NF2: variants seen among roughly 807,000 people sequenced by gnomAD.
The protein encoded by NF2 is NF2, moesin-ezrin-radixin like (MERLIN) tumor suppressor, also known as merlin.
In NF2, 8 loss-of-function variants were observed where a neutral mutation model predicts 83.7. That is an observed-to-expected ratio of 0.10 (90% confidence interval 0.06 to 0.17). The LOEUF (loss-of-function observed/expected upper bound fraction) is 0.17. Ranked by LOEUF, NF2 falls within the 10% of genes least tolerant of loss-of-function variation. The pLI, the probability that NF2 is intolerant of heterozygous loss-of-function variation, is 1.00. For synonymous variants in NF2, 266 were observed against 269.6 expected, an observed-to-expected ratio of 0.99 and a Z score of 0.13; for missense variants, 533 against 744.4, an observed-to-expected ratio of 0.72 and a Z score of 3.31.
intron 4 of NF2, among the ~76,000 whole-genome samples, chr22:29,643,961 G>GC (rs1258339483): frequency 9.2e-5 from 12 of 130,302 alleles, no homozygotes; most frequent in African/African-American, 1.7e-4. Context: ...GGCTGGCCTG[G>GC]CGGGGGGCTG....
At position 29,675,195 on chromosome 22, in the gene NF2, T is replaced by C. The variant is rs545468335; in HGVS notation, c.1446+254T>C. 2.0e-5 allele frequency among the ~76,000 whole-genome samples: 3 copies of C among 152,364 alleles called. No individual in the cohort carries two copies. In the South Asian group the frequency reaches 6.2e-4, roughly 32 times the overall value. ...AGGGCCTTTTCCAGCTCTGGAATGT[T>C]TTTCTTTTTCTAAGTAATATAGTCC... On this transcript the variant is annotated intron_variant, in intron 13 of 15. Coordinates refer to ENST00000338641, the MANE Select transcript of NF2 (RefSeq NM_000268.4).
intron 1 of NF2, among the ~76,000 whole-genome samples, chr22:29,622,544 T>G (rs1358159984): frequency 1.3e-5 from 2 of 152,148 alleles, no homozygotes; most frequent in African/African-American, 4.8e-5. Context: ...CTCTTTCATG[T>G]ATGGATTTTG....
chr22:29,625,475 G>A (rs1297055793), intron 1 of NF2, among the ~76,000 whole-genome samples: 1 of 152,056 alleles, frequency 6.6e-6, no homozygotes, highest in Non-Finnish European at 1.5e-5. Context: ...ATAAACTAAA[G>A]CGTTTGAGGT....
intron 15 of NF2, among the ~76,000 whole-genome samples, chr22:29,687,964 T>C (rs1345673448): frequency 6.6e-6 from 1 of 152,128 alleles, no homozygotes; most frequent in African/African-American, 2.4e-5. Context: ...CTCTTAGTGC[T>C]CCTCCCGGAT....
intron 15 of NF2, among the ~76,000 whole-genome samples, chr22:29,690,715 C>G (rs778322586): frequency 6.6e-6 from 1 of 152,224 alleles, no homozygotes; most frequent in Non-Finnish European, 1.5e-5. Context: ...GTGTTATTCA[C>G]ACGGCTGATT....
intron 14 of NF2, among the ~76,000 whole-genome samples, chr22:29,679,636 G>C (rs186951629): frequency 7.9e-5 from 12 of 152,244 alleles, no homozygotes; most frequent in African/African-American, 2.2e-4. Context: ...GGAGTCCAAG[G>C]GGGGCAGATC....
At chr22:29,668,278 G>A (rs2066682877) in intron 9 of NF2, 55 bp from the exon 10 acceptor site, 1 of 1,303,470 alleles carries the variant, frequency 7.7e-7, no homozygotes, top group African/African-American at 1.4e-5. Context: ...TGGGCCAGTA[G>A]GCAGTGAAGT....
intron 4 of NF2, among the ~76,000 whole-genome samples, chr22:29,653,614 A>G (rs1245391573): frequency 1.3e-5 from 2 of 152,204 alleles, no homozygotes; most frequent in Non-Finnish European, 2.9e-5. Context: ...AAAGTTAATG[A>G]TGAATATCTT....
At chr22:29,686,685 G>A (rs1233690109) in intron 15 of NF2, among the ~76,000 whole-genome samples, 1 of 152,206 alleles carries the variant, frequency 6.6e-6, no homozygotes, top group Non-Finnish European at 1.5e-5. Context: ...CTGTTTCCTT[G>A]TAATATTTCA....
At chr22:29,683,339 T>A in intron 15 of NF2, 1 of 1,400,422 alleles carries the variant, frequency 7.1e-7, no homozygotes, top group East Asian at 2.7e-5. Context: ...CGGGTCATTG[T>A]TGGGCTGGGG....
intron 4 of NF2, among the ~76,000 whole-genome samples, chr22:29,648,839 C>A (rs949026380): frequency 1.3e-5 from 2 of 152,192 alleles, no homozygotes; most frequent in Admixed American, 6.6e-5. Context: ...CTATACCCGC[C>A]TCAGCCTCCC....
chr22:29,616,654 A>G (rs2065088367), intron 1 of NF2, among the ~76,000 whole-genome samples: 1 of 152,054 alleles, frequency 6.6e-6, no homozygotes, highest in Non-Finnish European at 1.5e-5. Context: ...AGGCAGGAGA[A>G]TCACTTGAAC....
chr22:29,626,651 T>G (rs1448074698), intron 1 of NF2, among the ~76,000 whole-genome samples: 1 of 152,222 alleles, frequency 6.6e-6, no homozygotes, highest in Non-Finnish European at 1.5e-5. Context: ...ATGCTCTAGC[T>G]CTGTTGTGCT....
In NF2 at chr22:29,695,053, T is replaced by TAACCCTAAC. The variant is rs2067510619; in HGVS notation, c.*251_*252insAACCCTAAC. On this transcript the variant is annotated 3_prime_UTR_variant, in exon 16 of 16. Transcript: ENST00000338641. This position sits in a 1 kb window ranked among gnomAD's most constrained non-coding sequence, Gnocchi z 5.4. ...TCTTTGTTTTAAGAAGTATTTGTCTTCCTTTGTCTAATGTGGGATTCCTGA... is the reference window on the plus strand; with the variant it reads ...TCTTTGTTTTAAGAAGTATTTGTCTTAACCCTAACCCTTTGTCTAATGTGGGATTCCTGA... The TAACCCTAAC allele has an allele frequency of 1.7e-5, 10 of 589,586 alleles. No homozygotes were observed. In the Admixed American group the frequency reaches 2.3e-4, roughly 14 times the overall value. The allele number at this position is 589,586 out of a possible 1,614,324, so 36.5% of individuals were successfully genotyped here.
chr22:29,683,172 C>T (rs963526422), intron 15 of NF2: 15 of 1,612,302 alleles, frequency 9.3e-6, no homozygotes, highest in South Asian at 6.6e-5. Flanking sequence ...TGAGCCCTTA[C>T]GAGGGCAGGT....
At chr22:29,606,025 C>T (rs1033292897) in intron 1 of NF2, among the ~76,000 whole-genome samples, 2 of 151,788 alleles carry the variant, frequency 1.3e-5, no homozygotes, top group Non-Finnish European at 2.9e-5. Flanking sequence ...TGTGATCTCG[C>T]CTCACCGCAG....
chr22:29,655,558 T>C (rs772398599), intron 5 of NF2, 36 bp from the exon 6 acceptor site: 3 of 1,467,530 alleles, frequency 2.0e-6, no homozygotes, highest in Non-Finnish European at 2.9e-6. Context: ...ATTTACTTCA[T>C]GTGTAGGTTT....
At chr22:29,693,870 G>T (rs2067473050) in intron 15 of NF2, among the ~76,000 whole-genome samples, 1 of 152,224 alleles carries the variant, frequency 6.6e-6, no homozygotes, top group Non-Finnish European at 1.5e-5. Flanking sequence ...TCCCGGAGCT[G>T]GAAATGGAAC....
intron 10 of NF2, among the ~76,000 whole-genome samples, chr22:29,669,284 T>C (rs2066714199): frequency 6.6e-6 from 1 of 152,180 alleles, no homozygotes; most frequent in African/African-American, 2.4e-5. Flanking sequence ...TGGGATGCTT[T>C]CAGGGTGATG....
Sources: gnomAD v4.1 joint callset for allele counts (sites outside exome capture counted in the v4.1 genomes callset) on GRCh38, gnomAD v4.1.1 for gene constraint, Gnocchi (gnomAD v3.1) non-coding constraint, MANE v1.5 for transcripts, NCBI Gene and HGNC (gene_info 2026-07-23, HGNC 2026-07-21) for gene names.